IFIT5: variants seen among roughly 807,000 people sequenced by gnomAD.
The protein encoded by IFIT5 is interferon-induced protein with tetratricopeptide repeats 5.
IFIT5 carries 2 observed loss-of-function variants against 5.0 expected under a neutral mutation model. The ratio of observed to expected loss-of-function variants is 0.40; its 90% CI spans 0.16 to 1.26. IFIT5 has a LOEUF of 1.26. Among genes scored for constraint, IFIT5 ranks in the 50% most tolerant of loss-of-function variants. The pLI is 0.33. For synonymous variants in IFIT5, 206 were observed against 204.6 expected (o/e 1.01, Z -0.06); for missense variants, 524 against 563.2 (o/e 0.93, Z 0.70).
In IFIT5 at chr10:89,418,676, G is replaced by C. The variant is rs375704977; in HGVS notation, c.*28G>C. 37 of 1,539,922 alleles carry C rather than the reference G, an allele frequency of 2.4e-5. No individual in the cohort carries two copies. Among genetic ancestry groups the C allele is most frequent in the Non-Finnish European group, 8.7e-7 (1 of 1,146,928 alleles). On this transcript the variant is annotated 3_prime_UTR_variant, in exon 2 of 2. Coordinates refer to ENST00000371795, the MANE Select transcript of IFIT5 (RefSeq NM_012420.3). ...ACATACTCTAGGAAATTAGCTCTAA[G>C]TTTTTCCCTTCATTTTGGGTTCTCC... is the stretch of plus-strand genomic sequence containing the variant.
rs1426607483 is a variant in IFIT5 at position 89,414,624 on chromosome 10, T to C, written c.-175T>C. ...TCCAGTTTCCTGTTCTTGCTGGGGC[T>C]GGGGTCTCTCCTTTAACAAAGACAC... is the stretch of plus-strand genomic sequence containing the variant. On this transcript the variant is annotated 5_prime_UTR_variant, in exon 1 of 2. Transcript: ENST00000371795. 8 of 547,126 alleles carry C rather than the reference T, an allele frequency of 1.5e-5. No individual in the cohort carries two copies. The highest frequency in any genetic ancestry group is 2.4e-5 in the Non-Finnish European group (8 of 327,304). The allele number at this position is 547,126 out of a possible 1,614,324, so 33.9% of individuals were successfully genotyped here.
In IFIT5 at chr10:89,414,672, C is replaced by A; in HGVS notation, c.-127C>A. 8.9e-7 allele frequency: 1 copy of A among 1,117,784 alleles called. No homozygotes were observed. The highest frequency in any genetic ancestry group is 1.6e-5 in the African/African-American group (1 of 60,898). 69.2% of individuals were successfully genotyped at this position (1,117,784 alleles called of 1,614,324 possible). A position where few individuals can be genotyped will look rare whatever the true frequency, so the allele number is the denominator to read the frequency against. On this transcript the variant is annotated 5_prime_UTR_variant, in exon 1 of 2. In the 5' UTR this introduces an upstream ATG that the reference lacks. Transcript: ENST00000371795. ...CACGCCGCGCGGCCGAGTCCAGGGG[C>A]TGCAGAGGCCTGGCGCGCGCACGCG...
Position 89,414,791 on chromosome 10 carries a change from C to G in IFIT5, c.-8C>G, listed in dbSNP as rs1343038981. On this transcript the variant is annotated 5_prime_UTR_variant, in exon 1 of 2. Coordinates refer to ENST00000371795, the MANE Select transcript of IFIT5 (RefSeq NM_012420.3). ...CGCCGCCCGGACGGCCTGCAGAGCG[C>G]TGCCATCATGAGGTAAGGGTTTTCC... 1 of 1,609,692 alleles carries G rather than the reference C, an allele frequency of 6.2e-7. No individual in the cohort carries two copies. Among genetic ancestry groups the G allele is most frequent in the East Asian group, 2.2e-5 (1 of 44,466 alleles).
At position 89,417,470 on chromosome 10, in the gene IFIT5, G is replaced by A. The variant is rs758590253; in HGVS notation, c.271G>A (p.Val91Ile). 6.2e-7 allele frequency: 1 copy of A among 1,614,186 alleles called. No individual in the cohort carries two copies. Among genetic ancestry groups the A allele is most frequent in the East Asian group, 2.2e-5 (1 of 44,890 alleles). ...GCAAGAACACTCAGACAAAGAAGAA[G>A]TACGAAGCCTGGTCACTTGGGGAAA... is the stretch of plus-strand genomic sequence containing the variant. The part of the protein sequence containing the change: ...IQQEHSDKEE[V>I]RSLVTWGNYA... The change falls in exon 2 of 2, where the codon GTA (valine) becomes ATA (isoleucine). Residue 91 changes from valine to isoleucine, a missense_variant. By Grantham distance (29) the Val-to-Ile change is conservative. Transcript: ENST00000371795.
chr10:89,415,594 C>T (rs1418639559), intron 1 of IFIT5, among the ~76,000 whole-genome samples: 1 of 152,182 alleles, frequency 6.6e-6, no homozygotes, highest in Non-Finnish European at 1.5e-5. Flanking sequence ...TTTGTATCCC[C>T]AGGGGCTAGC....
rs1178362872 is a variant in IFIT5 at position 89,418,097 on chromosome 10, A to G, written c.898A>G (p.Ile300Val). 16 of 1,614,208 alleles carry G rather than the reference A, an allele frequency of 9.9e-6. No individual in the cohort carries two copies. The highest frequency in any genetic ancestry group is 1.4e-5 in the Non-Finnish European group (16 of 1,180,026). ...GLCYRAQMIQ[I>V]KKATHNRPKG... is the part of the protein sequence containing the mutation. The stretch of plus-strand genomic sequence containing the variant: ...TTGCTACAGGGCACAAATGATCCAA[A>G]TCAAGAAGGCCACACACAACAGACC... Residue 300 changes from isoleucine to valine, a missense_variant, in exon 2 of 2, where the codon ATC (isoleucine) becomes GTC (valine). Ile to Val is a conservative substitution (Grantham distance 29, BLOSUM62 3). Coordinates refer to ENST00000371795, the MANE Select transcript of IFIT5 (RefSeq NM_012420.3).
chr10:89,414,932 C>A (rs892913661), intron 1 of IFIT5, 129 bp downstream of exon 1: 2 of 1,234,636 alleles, frequency 1.6e-6, no homozygotes, highest in East Asian at 3.0e-5. Flanking sequence ...GCCCAGCAAC[C>A]GGGCATCTGC....
Position 89,417,834 on chromosome 10 carries a change from C to T in IFIT5, c.635C>T (p.Pro212Leu). Residue 212 changes from proline (P) to leucine (L), a missense_variant, in exon 2 of 2, where the codon CCA (proline) becomes CTA (leucine). By Grantham distance (98) the Pro-to-Leu change is moderately conservative. Transcript: ENST00000371795. ...TTGAGAAAGGCTGTTACCCTGAACCCAGATAACAGCTATATTAAGGTTTTT... is the reference window on the plus strand; with the variant it reads ...TTGAGAAAGGCTGTTACCCTGAACCTAGATAACAGCTATATTAAGGTTTTT... ...GPLRKAVTLN[P>L]DNSYIKVFLA... 1 of 1,614,142 alleles carries T rather than the reference C, an allele frequency of 6.2e-7. No individual in the cohort carries two copies. Among genetic ancestry groups the T allele is most frequent in the Non-Finnish European group, 8.5e-7 (1 of 1,180,012 alleles).
rs559521412 is a variant in IFIT5 at position 89,417,238 on chromosome 10, G to T, written c.39G>T (p.Leu13=). The T allele has an allele frequency of 8.7e-6, 14 of 1,607,468 alleles. No homozygotes were observed. The African/African-American group carries it at 9.3e-5, about 11-fold the overall frequency. ...EIRKDTLKAI[L]LELECHFTWN... is the part of the protein sequence containing the mutation. ...GTAAGGACACCTTGAAGGCCATTCTGTTGGAGTTAGAATGTCATTTTACAT... is the reference window on the plus strand; with the variant it reads ...GTAAGGACACCTTGAAGGCCATTCTTTTGGAGTTAGAATGTCATTTTACAT... Residue 13 remains leucine (L), a synonymous_variant, in exon 2 of 2, where the codon CTG becomes CTT. Coordinates refer to ENST00000371795, the MANE Select transcript of IFIT5 (RefSeq NM_012420.3).
Position 89,417,839 on chromosome 10 carries a change from A to G in IFIT5, c.640A>G (p.Asn214Asp). ...AAAGGCTGTTACCCTGAACCCAGAT[A>G]ACAGCTATATTAAGGTTTTTCTGGC... is the stretch of plus-strand genomic sequence containing the variant. ...LRKAVTLNPD[N>D]SYIKVFLALK... is the part of the protein sequence containing the mutation. Residue 214 changes from asparagine (N) to aspartate (D), a missense_variant, in exon 2 of 2, where the codon AAC becomes GAC. By Grantham distance (23) the Asn-to-Asp change is conservative. Coordinates refer to ENST00000371795, the MANE Select transcript of IFIT5 (RefSeq NM_012420.3). 1 of 1,614,232 alleles carries G rather than the reference A, an allele frequency of 6.2e-7. No homozygotes were observed. The highest frequency in any genetic ancestry group is 8.5e-7 in the Non-Finnish European group (1 of 1,180,032).
chr10:89,416,924 G>A (rs1329140742), intron 1 of IFIT5, among the ~76,000 whole-genome samples: 1 of 152,090 alleles, frequency 6.6e-6, no homozygotes, highest in Non-Finnish European at 1.5e-5. Flanking sequence ...AATTTTCAAT[G>A]GTTTAGTGAT....
chr10:89,415,970 T>A (rs1239453738), intron 1 of IFIT5, among the ~76,000 whole-genome samples: 1 of 152,254 alleles, frequency 6.6e-6, no homozygotes, highest in Non-Finnish European at 1.5e-5. Context: ...TCACCCAGGC[T>A]GTAGTGTAAT....
chr10:89,414,758 A>C lies in IFIT5; in HGVS notation c.-41A>C. On this transcript the variant is annotated 5_prime_UTR_variant, in exon 1 of 2. Transcript: ENST00000371795. ...CCGGTGCTGAGGAGAGAGCGATCCG[A>C]GGGACTGCGCCGCCCGGACGGCCTG... 6.2e-7 allele frequency: 1 copy of C among 1,603,714 alleles called. No individual in the cohort carries two copies. The highest frequency in any genetic ancestry group is 8.5e-7 in the Non-Finnish European group (1 of 1,176,656).
Position 89,414,671 on chromosome 10 carries a change from G to T in IFIT5, c.-128G>T, listed in dbSNP as rs1406193352. 1 of 1,093,802 alleles carries T rather than the reference G, an allele frequency of 9.1e-7. No homozygotes were observed. The highest frequency in any genetic ancestry group is 3.6e-5 in the Admixed American group (1 of 28,118). 67.8% of individuals were successfully genotyped at this position (1,093,802 alleles called of 1,614,324 possible). The stretch of plus-strand genomic sequence containing the variant: ...ACACGCCGCGCGGCCGAGTCCAGGG[G>T]CTGCAGAGGCCTGGCGCGCGCACGC... On this transcript the variant is annotated 5_prime_UTR_variant, in exon 1 of 2. Coordinates refer to ENST00000371795, the MANE Select transcript of IFIT5 (RefSeq NM_012420.3).
rs1483910282 is a variant in IFIT5 at position 89,414,693 on chromosome 10, A to G, written c.-106A>G. On this transcript the variant is annotated 5_prime_UTR_variant, in exon 1 of 2. Transcript: ENST00000371795. Reference sequence around the variant, plus strand: ...GGGGCTGCAGAGGCCTGGCGCGCGCACGCGCACGCGCACGCCCACCGCGCG... The same window carrying G: ...GGGGCTGCAGAGGCCTGGCGCGCGCGCGCGCACGCGCACGCCCACCGCGCG... 1.8e-5 allele frequency: 25 copies of G among 1,371,438 alleles called. No individual in the cohort carries two copies. The highest frequency in any genetic ancestry group is 3.0e-5 in the African/African-American group (2 of 65,824). The allele number at this position is 1,371,438 out of a possible 1,614,324, so 85.0% of individuals were successfully genotyped here.
rs1589650154 is a variant in IFIT5, at chr10:89,420,656, T to C, written c.*2008T>C. 1.3e-5 allele frequency: 2 copies of C among 152,294 alleles called. No homozygotes were observed. Among genetic ancestry groups the C allele is most frequent in the South Asian group, 2.1e-4 (1 of 4,828 alleles). 9.4% of individuals were successfully genotyped at this position (152,294 alleles called of 1,614,324 possible). A position where few individuals can be genotyped will look rare whatever the true frequency, so the allele number is the denominator to read the frequency against. On this transcript the variant is annotated 3_prime_UTR_variant, in exon 2 of 2. Transcript: ENST00000371795. ...GCTGTTCTAATTACATTTTGAGTAG[T>C]AAGGTCTACAGCATTGTTCCTCAAA...
chr10:89,415,401 T>TCCA lies in IFIT5; in HGVS notation c.5+599_5+600insCAC. On this transcript the variant is annotated intron_variant, in intron 1 of 1. Transcript: ENST00000371795. ...CGGTTTCGCCGCAGCCCTGCAGGCGTCAGGTTCGCCTGCCACTGCCAGTTT... is the reference window on the plus strand; with the variant it reads ...CGGTTTCGCCGCAGCCCTGCAGGCGTCCACAGGTTCGCCTGCCACTGCCAGTTT... Among the ~76,000 whole-genome samples, 3 of 152,276 alleles carry TCCA rather than the reference T, an allele frequency of 2.0e-5. No individual in the cohort carries two copies. In the Middle Eastern group the frequency reaches 0.01, roughly 518 times the overall value.
At position 89,418,760 on chromosome 10, in the gene IFIT5, A is replaced by C; in HGVS notation, c.*112A>C. 1 of 1,078,998 alleles carries C rather than the reference A, an allele frequency of 9.3e-7. No individual in the cohort carries two copies. The highest frequency in any genetic ancestry group is 1.3e-6 in the Non-Finnish European group (1 of 756,526). 66.8% of individuals were successfully genotyped at this position (1,078,998 alleles called of 1,614,324 possible). A position where few individuals can be genotyped will look rare whatever the true frequency, so the allele number is the denominator to read the frequency against. On this transcript the variant is annotated 3_prime_UTR_variant, in exon 2 of 2. Transcript: ENST00000371795. ...TTTATTATAGAGCTAATATTTATTG[A>C]ATAGTTATTGTGTACCAAGCATTGT...
rs1256144673 is a variant in IFIT5 at position 89,419,878 on chromosome 10, A to G, written c.*1230A>G. 6.6e-6 allele frequency: 1 copy of G among 152,162 alleles called. No individual in the cohort carries two copies. The highest frequency in any genetic ancestry group is 6.5e-5 in the Admixed American group (1 of 15,270). The allele number at this position is 152,162 out of a possible 1,614,324, so 9.4% of individuals were successfully genotyped here. On this transcript the variant is annotated 3_prime_UTR_variant, in exon 2 of 2. Transcript: ENST00000371795. ...ACCATCACAGTATTAGTGGAAAAGTACCATGTGATTTAATTCTCCATTCCT... is the reference window on the plus strand; with the variant it reads ...ACCATCACAGTATTAGTGGAAAAGTGCCATGTGATTTAATTCTCCATTCCT...
Sources: allele counts gnomAD v4.1 joint callset (sites outside exome capture counted in the v4.1 genomes callset), GRCh38; gene constraint gnomAD v4.1.1; transcripts MANE v1.5; gene names NCBI Gene and HGNC (gene_info 2026-07-23, HGNC 2026-07-21).